Variants in MATR3 observed in about 807,000 individuals in gnomAD.
MATR3 encodes matrin 3, also known as matrin-3.
Under a neutral mutation model 85.5 loss-of-function variants are expected in MATR3, and 4 were observed. The ratio of observed to expected loss-of-function variants is 0.05; its 90% confidence interval spans 0.02 to 0.11. The LOEUF is 0.11. Ranked by LOEUF, MATR3 falls within the 10% of genes least tolerant of loss-of-function variation. The pLI is 1.00. For synonymous variants in MATR3, 336 were observed against 343.1 expected (o/e 0.98, Z 0.23); for missense variants, 685 against 1,016.1 (o/e 0.67, Z 4.43).
Position 139,330,909 on chromosome 5 carries a change from G to C in MATR3, c.*1514G>C. The C allele has an allele frequency of 2.2e-6, 1 of 453,906 alleles. No homozygotes were observed. Among genetic ancestry groups the C allele is most frequent in the Non-Finnish European group, 4.4e-6 (1 of 226,748 alleles). 28.1% of individuals were successfully genotyped at this position (453,906 alleles called of 1,614,324 possible). ...GGGCTCAAATGACCCTCCTACCTCA[G>C]TCTCCTGAGTAGCTGGGACTACAGG... is the stretch of plus-strand genomic sequence containing the variant. On this transcript the variant is annotated 3_prime_UTR_variant, in exon 15 of 15. Transcript: ENST00000394805.
At chr5:139,323,482 T>C (rs953987231) in intron 12 of MATR3, among the ~76,000 whole-genome samples, 1 of 152,176 alleles carries the variant, frequency 6.6e-6, no homozygotes, top group Admixed American at 6.6e-5. Context: ...ATAAAGTGAA[T>C]ATAAATATAA....
At chr5:139,325,148 G>A (rs1755781530) in intron 12 of MATR3, 11 of 1,085,986 alleles carry the variant, frequency 1.0e-5, no homozygotes, top group Middle Eastern at 2.1e-4. Flanking sequence ...AGCCGAGATC[G>A]CGCCACTGCA....
chr5:139,280,054 G>A (rs1158620219), intron 3 of MATR3: 1 of 152,202 alleles, frequency 6.6e-6, no homozygotes, highest in Non-Finnish European at 1.5e-5. Flanking sequence ...GCTGTAAAGA[G>A]CCAGGTAATA....
intron 1 of MATR3, among the ~76,000 whole-genome samples, chr5:139,305,714 T>G (rs961909860): frequency 6.6e-6 from 1 of 152,190 alleles, no homozygotes; most frequent in African/African-American, 2.4e-5. Context: ...TCTAGAACTA[T>G]TAATAGTTTC....
intron 2 of MATR3, among the ~76,000 whole-genome samples, chr5:139,309,283 C>G (rs1176981514): frequency 6.6e-6 from 1 of 152,138 alleles, no homozygotes; most frequent in African/African-American, 2.4e-5. Flanking sequence ...CTAGCTTGAT[C>G]TATAATCTGT....
In MATR3 at chr5:139,322,658, T is replaced by A. The variant is rs780639259; in HGVS notation, c.1839T>A (p.Asp613Glu). 6.2e-7 allele frequency: 1 copy of A among 1,614,044 alleles called. No individual in the cohort carries two copies. The highest frequency in any genetic ancestry group is 1.7e-5 in the Admixed American group (1 of 59,990). The change falls in exon 12 of 15, where the codon GAT becomes GAA. Residue 613 changes from aspartate to glutamate, a missense_variant. Asp to Glu is a conservative substitution (Grantham distance 45). This residue lies in a region of MATR3 where 215 missense variants were observed against 194.7 expected (regional missense o/e 1.10). Coordinates refer to ENST00000394805, the MANE Select transcript of MATR3 (RefSeq NM_018834.6). Reference sequence around the variant, plus strand: ...CAAGTGATAAGAAATCCAAAACTGATGGTTCCCAGAAGACTGAGAGTTCAA... The same window carrying A: ...CAAGTGATAAGAAATCCAAAACTGAAGGTTCCCAGAAGACTGAGAGTTCAA... ...ESPSDKKSKT[D>E]GSQKTESSTE...
intron 2 of MATR3, chr5:139,314,450 T>G (rs959504509): frequency 2.0e-6 from 1 of 491,350 alleles, no homozygotes; most frequent in African/African-American, 2.0e-5. Flanking sequence ...TGTTGACAAG[T>G]TAATCCAGTT....
intron 1 of MATR3, among the ~76,000 whole-genome samples, chr5:139,275,587 G>A (rs944939109): frequency 6.6e-6 from 1 of 152,138 alleles, no homozygotes; most frequent in Admixed American, 6.5e-5. Context: ...ATTATCCTGA[G>A]GATTAGCTTA....
intron 12 of MATR3, among the ~76,000 whole-genome samples, chr5:139,323,505 G>C (rs1376550378): frequency 2.0e-5 from 3 of 152,188 alleles, no homozygotes; most frequent in African/African-American, 7.2e-5. Flanking sequence ...ATACACACAT[G>C]CTATAAAGAA....
intron 1 of MATR3, among the ~76,000 whole-genome samples, chr5:139,301,313 A>G (rs1754427063): frequency 6.6e-6 from 1 of 151,928 alleles, no homozygotes; most frequent in African/African-American, 2.4e-5. Flanking sequence ...TTAGGGATAC[A>G]GAATGGAGCC....
At chr5:139,293,887 G>C in intron 1 of MATR3, 82 bp downstream of exon 1, 1 of 914,642 alleles carries the variant, frequency 1.1e-6, no homozygotes, top group African/African-American at 1.7e-5. Context: ...GACGGCGACA[G>C]GGGCTGCGGG....
chr5:139,315,331 A>G (rs982691744), intron 3 of MATR3: 1 of 245,030 alleles, frequency 4.1e-6, no homozygotes, highest in Non-Finnish European at 8.0e-6. Flanking sequence ...TCACAACTCA[A>G]CTGTGCTCTT....
intron 3 of MATR3, among the ~76,000 whole-genome samples, chr5:139,284,210 AT>A (rs1451693109): frequency 6.6e-6 from 1 of 152,194 alleles, no homozygotes; most frequent in East Asian, 1.9e-4. Flanking sequence ...TTATAAAAGA[AT>A]TTTTTTGGAC....
At chr5:139,313,334 T>C (rs1177380559) in intron 2 of MATR3, 1 of 151,434 alleles carries the variant, frequency 6.6e-6, no homozygotes, top group Non-Finnish European at 1.5e-5. Context: ...GTTCTTTTTT[T>C]TTTTTTTTTT....
intron 1 of MATR3, among the ~76,000 whole-genome samples, chr5:139,304,788 A>C (rs1407087164): frequency 6.6e-6 from 1 of 152,230 alleles, no homozygotes; most frequent in African/African-American, 2.4e-5. Context: ...AAAACAATAC[A>C]GTAAAAGGAG....
rs769334352 is a variant in MATR3 at position 139,331,306 on chromosome 5, C to T, written c.*1911C>T. 2.2e-6 allele frequency: 1 copy of T among 454,050 alleles called. No homozygotes were observed. The highest frequency in any genetic ancestry group is 1.6e-5 in the South Asian group (1 of 64,470). The allele number at this position is 454,050 out of a possible 1,614,324, so 28.1% of individuals were successfully genotyped here. ...TTTAATTTTAGCCTTTACTAATTAC[C>T]CACTTCTGTTTAATTCCAATTTTTA... On this transcript the variant is annotated 3_prime_UTR_variant, in exon 15 of 15. Transcript: ENST00000394805.
At chr5:139,295,589 TTTTAGTC>T (rs1266632408) in intron 1 of MATR3, among the ~76,000 whole-genome samples, 2 of 152,254 alleles carry the variant, frequency 1.3e-5, no homozygotes, top group Admixed American at 1.3e-4. Context: ...TGTGCATTTG[TTTTAGTC>T]TTTAAACATA....
chr5:139,313,124 C>CT (rs1561936513), intron 2 of MATR3: 2 of 149,032 alleles, frequency 1.3e-5, no homozygotes, highest in Non-Finnish European at 3.0e-5. Context: ...GTACCTTACT[C>CT]TAATTTAGTT....
At chr5:139,294,365 T>G (rs1042439969) in intron 1 of MATR3, among the ~76,000 whole-genome samples, 3 of 152,208 alleles carry the variant, frequency 2.0e-5, no homozygotes, top group Non-Finnish European at 2.9e-5. Context: ...TCGCAGACTC[T>G]GAAGAGCCTG....
Sources: gnomAD v4.1 joint callset for allele counts (sites outside exome capture counted in the v4.1 genomes callset) on GRCh38, gnomAD v4.1.1 for gene constraint, gnomAD v4.1.1 regional missense constraint, MANE v1.5 for transcripts, NCBI Gene and HGNC (gene_info 2026-07-23, HGNC 2026-07-21) for gene names.